Variants in SEMA4B observed in about 807,000 individuals in gnomAD.
SEMA4B encodes semaphorin-4B.
A neutral mutation model predicts 88.1 loss-of-function variants in SEMA4B; 55 were observed. That is an observed-to-expected ratio of 0.62 (90% CI 0.50 to 0.78). SEMA4B has a LOEUF of 0.78. Among genes scored for constraint, SEMA4B ranks in the 30% least tolerant of loss-of-function variants. The probability of loss-of-function intolerance (pLI) is 0.00; values close to 1 mark genes in which losing one functional copy is unlikely to be tolerated. For missense variants in SEMA4B, 1,062 were observed against 1,111.9 expected (o/e 0.96, Z 0.64); for synonymous variants, 525 against 473.6 (o/e 1.11, Z -1.41).
At position 90,212,930 on chromosome 15, in the gene SEMA4B, C is replaced by T. The variant is rs868168810; in HGVS notation, c.158-4509C>T. Among the ~76,000 whole-genome samples, 6 of 152,134 alleles carry T rather than the reference C, an allele frequency of 3.9e-5. No individual in the cohort carries two copies. Among genetic ancestry groups the T allele is most frequent in the East Asian group, 1.9e-4 (1 of 5,194 alleles). On this transcript the variant is annotated intron_variant, in intron 1 of 13. Coordinates refer to ENST00000411539, the MANE Select transcript of SEMA4B (RefSeq NM_198925.4). The surrounding 1 kb of genome is among the most constrained non-coding windows in gnomAD (Gnocchi z 4.0). ...GTGAACCCCCTGGATGAGGGAGGCC[C>T]GACTCCCGCAAGGAGCCCTGCCCTT...
chr15:90,203,553 G>C (rs548408600), intron 1 of SEMA4B, among the ~76,000 whole-genome samples: 1 of 152,174 alleles, frequency 6.6e-6, no homozygotes, highest in Admixed American at 6.5e-5. Flanking sequence ...GAATCGAGGG[G>C]ACCTGCTTCC....
At chr15:90,197,994 T>C (rs1318477043), upstream of SEMA4B, among the ~76,000 whole-genome samples, 1 of 151,312 alleles carries the variant, frequency 6.6e-6, no homozygotes. Flanking sequence ...TGGCGTGATC[T>C]CGGCTCACTG....
intron 1 of SEMA4B, among the ~76,000 whole-genome samples, chr15:90,207,283 G>T (rs556813265): frequency 1.3e-5 from 2 of 151,914 alleles, no homozygotes; most frequent in Non-Finnish European, 2.9e-5. Flanking sequence ...GCTTCCGAGA[G>T]GTGGGGGGCC....
At chr15:90,215,151 T>C (rs994406185) in intron 1 of SEMA4B, among the ~76,000 whole-genome samples, 1 of 152,126 alleles carries the variant, frequency 6.6e-6, no homozygotes, top group Non-Finnish European at 1.5e-5. Context: ...ATTTTAAAAA[T>C]AATTTCTCTC....
intron 1 of SEMA4B, among the ~76,000 whole-genome samples, chr15:90,215,968 T>C (rs892880910): frequency 5.3e-5 from 8 of 152,074 alleles, no homozygotes; most frequent in African/African-American, 1.9e-4. Flanking sequence ...AGGGTTCTTG[T>C]TCTACCATTA....
chr15:90,189,008 G>A (rs1960268332), intron 1 of SEMA4B, among the ~76,000 whole-genome samples: 1 of 152,128 alleles, frequency 6.6e-6, no homozygotes, highest in Non-Finnish European at 1.5e-5. Flanking sequence ...AAAGGATCCT[G>A]ATAAACTAAG....
chr15:90,201,832 G>T, intron 1 of SEMA4B, 97 bp downstream of exon 1: 1 of 1,222,510 alleles, frequency 8.2e-7, no homozygotes. Context: ...CCAAGGAGGG[G>T]ACCTGTCGGA....
chr15:90,225,157 G>C lies in SEMA4B; in HGVS notation c.1384G>C (p.Asp462His), dbSNP rs201828607. The change falls in exon 10 of 14, where the codon GAT becomes CAT. Residue 462 changes from aspartate to histidine, a missense_variant. By Grantham distance (81) the Asp-to-His change is moderately conservative. Transcript: ENST00000411539. ...HRVPGLHHTY[D>H]VLFLGTGDGR... ...CGTCCCTGGCCTGCACCACACCTACGATGTCCTCTTCCTGGGCACTGGTAA... is the reference window on the plus strand; with the variant it reads ...CGTCCCTGGCCTGCACCACACCTACCATGTCCTCTTCCTGGGCACTGGTAA... 2 of 1,608,584 alleles carry C rather than the reference G, an allele frequency of 1.2e-6. No individual in the cohort carries two copies. The highest frequency in any genetic ancestry group is 8.5e-7 in the Non-Finnish European group (1 of 1,177,464).
chr15:90,199,883 G>A (rs1596124490), upstream of SEMA4B, among the ~76,000 whole-genome samples: 1 of 152,010 alleles, frequency 6.6e-6, no homozygotes, highest in African/African-American at 2.4e-5. Context: ...TGGACTAGGC[G>A]GCAGATAGGG....
intron 12 of SEMA4B, chr15:90,227,125 C>G (rs1206926442): frequency 5.4e-6 from 1 of 185,430 alleles, no homozygotes; most frequent in Non-Finnish European, 1.1e-5. Flanking sequence ...CTCACTGCAG[C>G]CTTGGCCTCC....
chr15:90,200,018 T>C (rs1422236901), upstream of SEMA4B, among the ~76,000 whole-genome samples: 1 of 152,194 alleles, frequency 6.6e-6, no homozygotes, highest in African/African-American at 2.4e-5. Flanking sequence ...TGTCCAGTTC[T>C]GGGAGCCCCT....
chr15:90,228,313 C>T lies in SEMA4B; in HGVS notation c.2184C>T (p.Ala728=), dbSNP rs3751657. ...TGATGTGCACGCTCTTTGTGCTGGC[C>T]GTGCTGCTCCCAGTTTTATTCTTGC... is the stretch of plus-strand genomic sequence containing the variant. The part of the protein sequence containing the change: ...FLVMCTLFVL[A]VLLPVLFLLY... Residue 728 remains alanine (A), a synonymous_variant, in exon 14 of 14, where the codon GCC becomes GCT. Transcript: ENST00000411539. 4.2e-4 allele frequency: 666 copies of T among 1,596,058 alleles called. 6 individuals carry two copies. The East Asian group carries it at 0.013, about 31-fold the overall frequency.
At chr15:90,200,041 C>A (rs141142775), upstream of SEMA4B, among the ~76,000 whole-genome samples, 1 of 152,152 alleles carries the variant, frequency 6.6e-6, no homozygotes, top group Non-Finnish European at 1.5e-5. Flanking sequence ...AAAAGGGATG[C>A]TGCTAGCCTG....
rs984901214 is a variant in SEMA4B at position 90,228,584 on chromosome 15, C to G, written c.2455C>G (p.Pro819Ala). The G allele has an allele frequency of 2.3e-5, 37 of 1,613,662 alleles. No individual in the cohort carries two copies. Among genetic ancestry groups the G allele is most frequent in the Non-Finnish European group, 2.9e-5 (34 of 1,179,876 alleles). ...SIQDSFVEVS[P>A]VCPRPRVRLG... ...CCAAGACAGCTTCGTGGAGGTATCC[C>G]CAGTGTGCCCCCGGCCCCGGGTCCG... Residue 819 changes from proline to alanine, a missense_variant, in exon 14 of 14, where the codon CCA (proline) becomes GCA (alanine). Pro to Ala is a conservative substitution (Grantham distance 27, BLOSUM62 -1). Coordinates refer to ENST00000411539, the MANE Select transcript of SEMA4B (RefSeq NM_198925.4).
chr15:90,223,434 T>G, intron 7 of SEMA4B, 125 bp from the exon 8 acceptor site: 1 of 779,180 alleles, frequency 1.3e-6, no homozygotes, highest in Non-Finnish European at 1.9e-6. Context: ...TGGAACTTGG[T>G]CCTGGCCTTC....
chr15:90,206,292 G>A (rs182882776), intron 1 of SEMA4B, among the ~76,000 whole-genome samples: 3 of 152,256 alleles, frequency 2.0e-5, no homozygotes, highest in Admixed American at 2.0e-4. Flanking sequence ...ACAACACAAC[G>A]CGAGACTCCT....
intron 1 of SEMA4B, chr15:90,193,627 C>A (rs1960411410): frequency 1.3e-5 from 2 of 152,242 alleles, no homozygotes; most frequent in African/African-American, 4.8e-5. Flanking sequence ...AGCAGTCACA[C>A]AACTCATGTG....
intron 1 of SEMA4B, among the ~76,000 whole-genome samples, chr15:90,195,740 G>A (rs7169764): frequency 0.051 from 7,821 of 152,046 alleles, 611 homozygotes; most frequent in African/African-American, 0.17. Flanking sequence ...CCCCGAAGTA[G>A]CTGGGACTAC....
At chr15:90,224,355 A>G (rs1463438016) in intron 9 of SEMA4B, among the ~76,000 whole-genome samples, 2 of 152,194 alleles carry the variant, frequency 1.3e-5, no homozygotes, top group Non-Finnish European at 2.9e-5. Flanking sequence ...CCTCCCTTCT[A>G]GCCTAACGGG....
Sources: gnomAD v4.1 joint callset for allele counts (sites outside exome capture counted in the v4.1 genomes callset) on GRCh38, gnomAD v4.1.1 for gene constraint, Gnocchi (gnomAD v3.1) non-coding constraint, MANE v1.5 for transcripts, NCBI Gene and HGNC (gene_info 2026-07-23, HGNC 2026-07-21) for gene names.